The following NALCN variants were observed in gnomAD, a reference collection of about 807,000 sequenced individuals.
NALCN encodes sodium leak channel NALCN.
NALCN carries 111 observed loss-of-function variants against 225.3 expected under a neutral mutation model. The observed-to-expected ratio is 0.49, with a 90% CI of 0.42 to 0.58. NALCN has a LOEUF of 0.58. Among genes scored for constraint, NALCN ranks in the 20% least tolerant of loss-of-function variants. The pLI, the probability that NALCN is intolerant of heterozygous loss-of-function variation, is 0.00. For synonymous variants in NALCN, 764 were observed against 769.0 expected, an observed-to-expected ratio of 0.99 and a Z score of 0.11; for missense variants, 1,378 against 2,202.4, an observed-to-expected ratio of 0.63 and a Z score of 7.49.
intron 12 of NALCN, among the ~76,000 whole-genome samples, chr13:101,231,201 C>T (rs2041333276): frequency 6.6e-6 from 1 of 152,088 alleles, no homozygotes; most frequent in Admixed American, 6.6e-5. Flanking sequence ...TGTATACACA[C>T]ACACACACAC....
At chr13:101,153,344 C>A (rs573226319) in intron 15 of NALCN, among the ~76,000 whole-genome samples, 1 of 152,190 alleles carries the variant, frequency 6.6e-6, no homozygotes, top group Non-Finnish European at 1.5e-5. Context: ...AGGAGGACTT[C>A]ACCCATATGA....
intron 7 of NALCN, among the ~76,000 whole-genome samples, chr13:101,299,485 G>C (rs1215682282): frequency 6.6e-6 from 1 of 151,842 alleles, no homozygotes; most frequent in Non-Finnish European, 1.5e-5. Flanking sequence ...TTTTTCTTCT[G>C]AATCAAGATG....
intron 6 of NALCN, among the ~76,000 whole-genome samples, chr13:101,366,908 A>AGCAGCTCCTCATTCCCTT (rs1356195265): frequency 7.7e-5 from 11 of 143,698 alleles, no homozygotes; most frequent in African/African-American, 2.6e-4. Flanking sequence ...CCCTTTGATC[A>AGCAGCTCCTCATTCCCTT]GCAGCTCCTC....
chr13:101,309,992 T>A (rs977610926), intron 7 of NALCN, among the ~76,000 whole-genome samples: 2 of 152,160 alleles, frequency 1.3e-5, no homozygotes, highest in Non-Finnish European at 2.9e-5. Flanking sequence ...TTTAGAATGA[T>A]CTTTTCCTTT....
In NALCN at chr13:101,321,625, T is replaced by C. The variant is rs532390784; in HGVS notation, c.799+23641A>G. Among the ~76,000 whole-genome samples, 3 of 152,240 alleles carry C rather than the reference T, an allele frequency of 2.0e-5. No homozygotes were observed. The South Asian group carries it at 6.2e-4, about 32-fold the overall frequency. ...TGCAAGTATATTAATACTCCAGTAT[T>C]AGTAATCACACACACACAAAAGGCA... On this transcript the variant is annotated intron_variant, in intron 7 of 43. Transcript: ENST00000251127.
intron 15 of NALCN, among the ~76,000 whole-genome samples, chr13:101,159,489 A>G (rs1233378344): frequency 6.6e-6 from 1 of 152,140 alleles, no homozygotes. Flanking sequence ...TCGGAGCAGA[A>G]ATTCGCAGTA....
At chr13:101,123,315 G>C (rs2036070644) in intron 18 of NALCN, among the ~76,000 whole-genome samples, 1 of 152,200 alleles carries the variant, frequency 6.6e-6, no homozygotes, top group Non-Finnish European at 1.5e-5. Flanking sequence ...CTTGTAGGTA[G>C]TTTCTGGCTT....
intron 1 of NALCN, among the ~76,000 whole-genome samples, chr13:101,403,641 G>C (rs1242979386): frequency 6.6e-6 from 1 of 152,192 alleles, no homozygotes; most frequent in African/African-American, 2.4e-5. Flanking sequence ...AGAAGTCATT[G>C]ACTCATTTTT....
At chr13:101,081,750 GA>G (rs1269246603) in intron 33 of NALCN, 104 bp from the exon 34 acceptor site, 8 of 1,383,034 alleles carry the variant, frequency 5.8e-6, no homozygotes, top group Non-Finnish European at 7.8e-6. Context: ...TTCAAATGAA[GA>G]AAATTTTAAA....
intron 15 of NALCN, among the ~76,000 whole-genome samples, chr13:101,158,422 G>A (rs978302859): frequency 6.6e-6 from 1 of 152,168 alleles, no homozygotes; most frequent in Non-Finnish European, 1.5e-5. Flanking sequence ...CATGGGCACC[G>A]CTGAGCTCCC....
chr13:101,155,472 T>A (rs1386714586), intron 15 of NALCN, among the ~76,000 whole-genome samples: 6 of 152,206 alleles, frequency 3.9e-5, no homozygotes, highest in Non-Finnish European at 8.8e-5. Flanking sequence ...GGTTGTCTGA[T>A]CTTTTCTCAT....
At chr13:101,092,388 C>T (rs1489129670) in intron 28 of NALCN, among the ~76,000 whole-genome samples, 5 of 152,210 alleles carry the variant, frequency 3.3e-5, no homozygotes, top group Non-Finnish European at 5.9e-5. Flanking sequence ...ACACAACCAT[C>T]TCTCCTAAAA....
intron 41 of NALCN, 81 bp downstream of exon 41, chr13:101,061,887 C>G (rs770628209): frequency 1.3e-5 from 18 of 1,377,074 alleles, no homozygotes; most frequent in South Asian, 2.8e-5. Context: ...CCCATGTTCA[C>G]GAAGCTCTTT....
At chr13:101,152,459 C>T (rs2037698351) in intron 15 of NALCN, among the ~76,000 whole-genome samples, 1 of 152,164 alleles carries the variant, frequency 6.6e-6, no homozygotes, top group Non-Finnish European at 1.5e-5. Context: ...AAAATGTTTA[C>T]TTTCATGCTG....
chr13:101,071,704 G>T (rs2032899928), intron 37 of NALCN, among the ~76,000 whole-genome samples: 1 of 152,162 alleles, frequency 6.6e-6, no homozygotes, highest in African/African-American at 2.4e-5. Context: ...TATCAGTCAT[G>T]TGTTCACTGG....
chr13:101,181,474 T>C, intron 14 of NALCN: 1 of 383,722 alleles, frequency 2.6e-6, no homozygotes, highest in South Asian at 1.9e-5. Flanking sequence ...CAGCTGGGCA[T>C]GGTGACTCAT....
At chr13:101,189,711 T>G (rs1252718109) in intron 14 of NALCN, among the ~76,000 whole-genome samples, 1 of 152,238 alleles carries the variant, frequency 6.6e-6, no homozygotes, top group East Asian at 1.9e-4. Flanking sequence ...AATTCTCAAT[T>G]GCCTTACAGA....
Position 101,074,704 on chromosome 13 carries a change from G to C in NALCN, c.3955-42C>G, listed in dbSNP as rs557920213. On this transcript the variant is annotated intron_variant, in intron 35 of 43. Transcript: ENST00000251127. ...GGAAGCGGGGAGACAGAGAGAGAGA[G>C]AGAGAGAGACAGAGACAGAGAGAGA... 24 of 1,549,208 alleles carry C rather than the reference G, an allele frequency of 1.5e-5. No individual in the cohort carries two copies. In the Middle Eastern group the frequency reaches 5.2e-4, roughly 34 times the overall value.
intron 15 of NALCN, among the ~76,000 whole-genome samples, chr13:101,147,395 C>T (rs1242886893): frequency 6.8e-6 from 1 of 146,216 alleles, no homozygotes; most frequent in East Asian, 2.0e-4. Context: ...TGCTCTGTCT[C>T]CCAGGCTGGA....
Sources: allele counts gnomAD v4.1 joint callset (sites outside exome capture counted in the v4.1 genomes callset), GRCh38; gene constraint gnomAD v4.1.1; transcripts MANE v1.5; gene names NCBI Gene and HGNC (gene_info 2026-07-23, HGNC 2026-07-21).